CDKAL1: variants seen among roughly 807,000 people sequenced by gnomAD.
CDKAL1 encodes CDKAL1 threonylcarbamoyladenosine tRNA methylthiotransferase, also known as threonylcarbamoyladenosine tRNA methylthiotransferase.
Under a neutral mutation model 68.2 loss-of-function variants are expected in CDKAL1, and 32 were observed. The ratio of observed to expected loss-of-function variants is 0.47; its 90% CI spans 0.35 to 0.63. The LOEUF (loss-of-function observed/expected upper bound fraction) is 0.63. CDKAL1 is among the 30% of genes least tolerant of loss of function. The pLI, the probability that CDKAL1 is intolerant of heterozygous loss-of-function variation, is 0.00. For synonymous variants in CDKAL1, 234 were observed against 244.3 expected (o/e 0.96, Z 0.39); for missense variants, 606 against 696.7 (o/e 0.87, Z 1.47).
At chr6:20,593,400 A>T (rs1359191137) in intron 4 of CDKAL1, among the ~76,000 whole-genome samples, 1 of 151,862 alleles carries the variant, frequency 6.6e-6, no homozygotes, top group Admixed American at 6.6e-5. Context: ...TAGTCTTGGG[A>T]GGGTGTATGT....
intron 11 of CDKAL1, among the ~76,000 whole-genome samples, chr6:21,051,502 A>T (rs1332259888): frequency 6.6e-6 from 1 of 152,188 alleles, no homozygotes; most frequent in Non-Finnish European, 1.5e-5. Context: ...AGTGATCAGA[A>T]GCTTCAGATC....
At position 20,929,667 on chromosome 6, in the gene CDKAL1, G is replaced by A. The variant is rs183428914; in HGVS notation, c.743-25752G>A. 2.0e-5 allele frequency among the ~76,000 whole-genome samples: 3 copies of A among 152,210 alleles called. No homozygotes were observed. In the East Asian group the frequency reaches 5.8e-4, roughly 29 times the overall value. On this transcript the variant is annotated intron_variant, in intron 9 of 15. Transcript: ENST00000274695. ...TGGGCGGGTGTATTATTATCAGGAT[G>A]GAGGCTGATTTATTCTTTTAATTTT... is the stretch of plus-strand genomic sequence containing the variant.
At position 20,557,069 on chromosome 6, in the gene CDKAL1, AT is replaced by A. The variant is rs1764083606; in HGVS notation, c.286+8365del. On this transcript the variant is annotated intron_variant, in intron 4 of 15. Coordinates refer to ENST00000274695, the MANE Select transcript of CDKAL1 (RefSeq NM_017774.3). ...AAAAAAAAAATAAATAAATAAATAA[AT>A]AAATAAATAAATAAATGAAAAATAA... Among the ~76,000 whole-genome samples the A allele has an allele frequency of 4.0e-5, 6 of 149,928 alleles. No homozygotes were observed. In the South Asian group the frequency reaches 1.0e-3, roughly 26 times the overall value.
chr6:20,740,347 A>C (rs1773394529), intron 6 of CDKAL1, among the ~76,000 whole-genome samples: 1 of 152,056 alleles, frequency 6.6e-6, no homozygotes, highest in South Asian at 2.1e-4. Flanking sequence ...GTGGGCAGTC[A>C]GCTCTGTGAA....
chr6:20,639,520 A>G (rs1224639457), intron 4 of CDKAL1, among the ~76,000 whole-genome samples: 1 of 152,200 alleles, frequency 6.6e-6, no homozygotes, highest in East Asian at 1.9e-4. Flanking sequence ...GCTTAAAGGA[A>G]AATACTTTAT....
intron 11 of CDKAL1, among the ~76,000 whole-genome samples, chr6:21,057,465 A>C (rs1430254274): frequency 6.6e-6 from 1 of 151,002 alleles, no homozygotes; most frequent in Non-Finnish European, 1.5e-5. Flanking sequence ...CAAAAAAAAA[A>C]ACAGCTCCTG....
At chr6:20,744,954 C>T (rs758838368) in intron 6 of CDKAL1, among the ~76,000 whole-genome samples, 5 of 152,160 alleles carry the variant, frequency 3.3e-5, no homozygotes, top group Admixed American at 6.5e-5. Context: ...TTAATAGACA[C>T]GTTGTAAAAT....
At chr6:20,827,834 C>T (rs1399435844) in intron 8 of CDKAL1, among the ~76,000 whole-genome samples, 1 of 151,836 alleles carries the variant, frequency 6.6e-6, no homozygotes, top group Non-Finnish European at 1.5e-5. Context: ...CGATATACTT[C>T]TATGTTATTG....
intron 13 of CDKAL1, among the ~76,000 whole-genome samples, chr6:21,176,584 G>A (rs755790371): frequency 5.3e-5 from 8 of 152,040 alleles, no homozygotes; most frequent in Non-Finnish European, 8.8e-5. Flanking sequence ...GATAGTACAC[G>A]TGTGCTAGAA....
At chr6:20,819,514 T>C (rs1292521317) in intron 8 of CDKAL1, among the ~76,000 whole-genome samples, 4 of 152,194 alleles carry the variant, frequency 2.6e-5, no homozygotes, top group Non-Finnish European at 1.5e-5. Context: ...GTTTTTCTGA[T>C]GATCAAATGG....
At chr6:20,658,349 A>T (rs2127768414) in intron 5 of CDKAL1, among the ~76,000 whole-genome samples, 1 of 152,358 alleles carries the variant, frequency 6.6e-6, no homozygotes, top group Admixed American at 6.5e-5. Context: ...GTAGAAATAA[A>T]TGGTAATGTC....
chr6:21,206,732 A>G (rs1778953344), intron 15 of CDKAL1, among the ~76,000 whole-genome samples: 1 of 152,174 alleles, frequency 6.6e-6, no homozygotes, highest in South Asian at 2.1e-4. Flanking sequence ...GATCAAGTAC[A>G]ACTTTCTTGA....
At chr6:20,786,220 A>G (rs1199650332) in intron 8 of CDKAL1, among the ~76,000 whole-genome samples, 3 of 152,198 alleles carry the variant, frequency 2.0e-5, no homozygotes, top group Non-Finnish European at 4.4e-5. Flanking sequence ...GTGAGATTTC[A>G]TCTCTAAATA....
At chr6:20,833,697 C>T (rs1391380662) in intron 8 of CDKAL1, among the ~76,000 whole-genome samples, 1 of 152,136 alleles carries the variant, frequency 6.6e-6, no homozygotes, top group Non-Finnish European at 1.5e-5. Flanking sequence ...GGTAAACACC[C>T]CCTGTACTTG....
chr6:21,156,439 A>AAAG (rs1554188989), intron 13 of CDKAL1, among the ~76,000 whole-genome samples: 4 of 151,708 alleles, frequency 2.6e-5, no homozygotes, highest in Admixed American at 1.3e-4. Context: ...AAAAAAAAAA[A>AAAG]AAAGGAAAAA....
intron 5 of CDKAL1, among the ~76,000 whole-genome samples, chr6:20,700,367 A>T (rs894309262): frequency 1.3e-5 from 2 of 152,122 alleles, no homozygotes; most frequent in South Asian, 2.1e-4. Flanking sequence ...AAAAAAAAAA[A>T]AAAAATAAAT....
intron 10 of CDKAL1, among the ~76,000 whole-genome samples, chr6:20,967,094 AG>A (rs1765358863): frequency 6.6e-6 from 1 of 152,140 alleles, no homozygotes; most frequent in African/African-American, 2.4e-5. Context: ...TTTTTGTCTC[AG>A]TCTTCACCTG....
At chr6:21,157,966 G>A (rs1432736494) in intron 13 of CDKAL1, among the ~76,000 whole-genome samples, 4 of 152,206 alleles carry the variant, frequency 2.6e-5, no homozygotes, top group Non-Finnish European at 4.4e-5. Context: ...GATATTAAGT[G>A]AGCTTAATAT....
At chr6:20,847,708 T>C (rs901668180) in intron 9 of CDKAL1, among the ~76,000 whole-genome samples, 1 of 152,226 alleles carries the variant, frequency 6.6e-6, no homozygotes, top group Non-Finnish European at 1.5e-5. Context: ...TTCATGGCTT[T>C]ATATGGACAC....
Sources: allele counts gnomAD v4.1 joint callset (sites outside exome capture counted in the v4.1 genomes callset), GRCh38; gene constraint gnomAD v4.1.1; transcripts MANE v1.5; gene names NCBI Gene and HGNC (gene_info 2026-07-23, HGNC 2026-07-21).